AMPD3: variants seen among roughly 807,000 people sequenced by gnomAD.
The protein encoded by AMPD3 is AMP deaminase 3.
A neutral mutation model predicts 82.3 loss-of-function variants in AMPD3; 57 were observed. That is an observed-to-expected ratio of 0.69 (90% CI 0.56 to 0.86). AMPD3 has a LOEUF of 0.86. AMPD3 is among the 40% of genes least tolerant of loss of function. AMPD3 has a pLI of 0.00. For synonymous variants in AMPD3, 381 were observed against 394.7 expected (o/e 0.97, Z 0.41); for missense variants, 870 against 1,003.8 (o/e 0.87, Z 1.80).
intron 2 of AMPD3, among the ~76,000 whole-genome samples, chr11:10,474,959 G>C (rs532692481): frequency 1.1e-4 from 17 of 152,320 alleles, no homozygotes; most frequent in African/African-American, 3.8e-4. Flanking sequence ...AGGGGCACCA[G>C]ATCAGTTTTG....
intron 6 of AMPD3, among the ~76,000 whole-genome samples, chr11:10,489,638 T>A (rs934038217): frequency 6.6e-6 from 1 of 151,622 alleles, no homozygotes; most frequent in Non-Finnish European, 1.5e-5. Flanking sequence ...ATGAGTCAGG[T>A]CTGTGCCCGC....
chr11:10,482,364 T>A, intron 4 of AMPD3, 139 bp downstream of exon 4: 3 of 982,496 alleles, frequency 3.1e-6, no homozygotes, highest in Non-Finnish European at 4.4e-6. Flanking sequence ...CCCACACTGA[T>A]GTTTGATGGT....
chr11:10,493,257 T>A, intron 6 of AMPD3, 92 bp from the exon 7 acceptor site: 1 of 1,465,194 alleles, frequency 6.8e-7, no homozygotes, highest in Non-Finnish European at 9.5e-7. Flanking sequence ...CATGAGGTGC[T>A]GGGGTTCTGT....
chr11:10,481,627 C>A, intron 3 of AMPD3: 1 of 511,470 alleles, frequency 2.0e-6, no homozygotes, highest in Non-Finnish European at 2.5e-6. Flanking sequence ...GGATACAGAG[C>A]AAATCAGCAA....
At chr11:10,452,611 G>C (rs951263540), upstream of AMPD3, among the ~76,000 whole-genome samples, 4 of 152,156 alleles carry the variant, frequency 2.6e-5, no homozygotes, top group Non-Finnish European at 5.9e-5. Flanking sequence ...CCAGGCACAT[G>C]GTGGTGCTCA....
intron 2 of AMPD3, among the ~76,000 whole-genome samples, chr11:10,468,186 A>G (rs1848476952): frequency 6.6e-6 from 1 of 152,218 alleles, no homozygotes; most frequent in Admixed American, 6.5e-5. Flanking sequence ...TTAAATGTAA[A>G]CGGGCTAAAT....
chr11:10,473,725 A>C (rs2133863680), intron 2 of AMPD3: 2 of 508,414 alleles, frequency 3.9e-6, no homozygotes, highest in South Asian at 8.4e-5. Flanking sequence ...CTCTGGTCTC[A>C]AGTACAGGGA....
chr11:10,467,116 A>G (rs1370985484), intron 2 of AMPD3, among the ~76,000 whole-genome samples: 1 of 152,202 alleles, frequency 6.6e-6, no homozygotes, highest in African/African-American at 2.4e-5. Flanking sequence ...TCTCCTCCAA[A>G]TGATCACAAC....
chr11:10,466,922 C>G (rs1848438447), intron 2 of AMPD3, among the ~76,000 whole-genome samples: 1 of 152,208 alleles, frequency 6.6e-6, no homozygotes, highest in African/African-American at 2.4e-5. Flanking sequence ...GGACCTCCAG[C>G]AAACTCTAGC....
chr11:10,476,475 T>TGTG (rs1554897415), intron 2 of AMPD3, among the ~76,000 whole-genome samples: 52 of 150,400 alleles, frequency 3.5e-4, no homozygotes, highest in African/African-American at 1.0e-3. Flanking sequence ...GTTTTTTTTT[T>TGTG]TGTGTGTGTG....
intron 7 of AMPD3, chr11:10,493,763 G>T: frequency 1.6e-6 from 1 of 620,686 alleles, no homozygotes; most frequent in Non-Finnish European, 2.9e-6. Context: ...ACAGGTCTAA[G>T]CACTAATCCC....
At chr11:10,500,668 A>G (rs2133939715) in intron 11 of AMPD3, 1 of 985,470 alleles carries the variant, frequency 1.0e-6, no homozygotes, top group Non-Finnish European at 1.2e-6. Context: ...CCACACGTGC[A>G]TATTTTCGTT....
At chr11:10,482,355 C>G in intron 4 of AMPD3, 130 bp downstream of exon 4, 1 of 1,072,746 alleles carries the variant, frequency 9.3e-7, no homozygotes, top group Non-Finnish European at 1.3e-6. Context: ...TTGGCTTCTC[C>G]CACACTGATG....
intron 2 of AMPD3, among the ~76,000 whole-genome samples, chr11:10,468,109 C>G (rs917270696): frequency 6.6e-6 from 1 of 152,202 alleles, no homozygotes; most frequent in Non-Finnish European, 1.5e-5. Context: ...ACTGCATCAA[C>G]TAATGGGCAA....
At chr11:10,484,588 A>G (rs1220763689) in intron 4 of AMPD3, 1 of 840,882 alleles carries the variant, frequency 1.2e-6, no homozygotes, top group Non-Finnish European at 1.4e-6. Flanking sequence ...GCCTGCATGG[A>G]GTTTCTATTG....
chr11:10,501,221 G>T, intron 11 of AMPD3: 3 of 985,346 alleles, frequency 3.0e-6, no homozygotes. Flanking sequence ...GTGGCTGGAG[G>T]GCACAGCAGG....
intron 2 of AMPD3, among the ~76,000 whole-genome samples, chr11:10,476,388 C>A (rs979971151): frequency 6.6e-5 from 10 of 152,056 alleles, no homozygotes; most frequent in African/African-American, 2.2e-4. Context: ...AGCTTCCTCA[C>A]TGGGGCAGAA....
Position 10,459,746 on chromosome 11 carries a change from G to T in AMPD3, c.-5-1769G>T, listed in dbSNP as rs371199109. Among the ~76,000 whole-genome samples, 15 of 152,156 alleles carry T rather than the reference G, an allele frequency of 9.9e-5. No homozygotes were observed. The South Asian group carries it at 3.1e-3, about 32-fold the overall frequency. ...ATGCTGGGGACTGTGAGGAGCCCCT[G>T]CCCGGACACATACGTGGACAAAGAG... On this transcript the variant is annotated intron_variant, in intron 1 of 14. Coordinates refer to ENST00000396553, the MANE Select transcript of AMPD3 (RefSeq NM_001025389.2).
intron 10 of AMPD3, chr11:10,497,766 A>AG (rs554479908): frequency 1.1e-4 from 112 of 984,936 alleles, no homozygotes; most frequent in Admixed American, 3.7e-4. Flanking sequence ...GCCTGGAGAC[A>AG]GGAGGGGAGC....
Sources: allele counts gnomAD v4.1 joint callset (sites outside exome capture counted in the v4.1 genomes callset), GRCh38; gene constraint gnomAD v4.1.1; transcripts MANE v1.5; gene names NCBI Gene and HGNC (gene_info 2026-07-23, HGNC 2026-07-21).